Variants in KLF12 observed in about 807,000 individuals in gnomAD.
KLF12 encodes Krueppel-like factor 12.
In KLF12, 9 loss-of-function variants were observed where a neutral mutation model predicts 37.8. That is an observed-to-expected ratio of 0.24 (90% CI 0.14 to 0.42). The LOEUF (loss-of-function observed/expected upper bound fraction) is 0.42. KLF12 is among the 10% of genes least tolerant of loss of function. KLF12 has a pLI of 1.00. For missense variants in KLF12, 411 were observed against 516.0 expected (o/e 0.80, Z 1.97); for synonymous variants, 208 against 202.1 (o/e 1.03, Z -0.25).
chr13:74,258,859 G>C, the KLF12 span: 1 of 152,250 alleles, frequency 6.6e-6, no homozygotes, highest in Non-Finnish European at 1.5e-5. Flanking sequence ...TTTTGGAGTT[G>C]ATCTCAGAAA....
chr13:74,301,920 G>A, the KLF12 span, among the ~76,000 whole-genome samples: 4 of 152,234 alleles, frequency 2.6e-5, no homozygotes, highest in African/African-American at 9.6e-5. Context: ...AACTGCAGAG[G>A]CATAGCTCCA....
intron 3 of KLF12, among the ~76,000 whole-genome samples, chr13:73,860,634 T>C (rs1399230692): frequency 6.6e-6 from 1 of 152,032 alleles, no homozygotes; most frequent in Non-Finnish European, 1.5e-5. Flanking sequence ...GTCTTAGCCA[T>C]GCCAAAGACT....
At chr13:74,204,163 T>G in the KLF12 span, among the ~76,000 whole-genome samples, 1 of 152,162 alleles carries the variant, frequency 6.6e-6, no homozygotes, top group Non-Finnish European at 1.5e-5. Context: ...TTACTATGTG[T>G]CTGACTTTGG....
chr13:74,149,041 CT>C, the KLF12 span, among the ~76,000 whole-genome samples: 1 of 152,196 alleles, frequency 6.6e-6, no homozygotes, highest in African/African-American at 2.4e-5. Context: ...TCTTGAACCC[CT>C]GACCTCAGCT....
chr13:74,162,647 TTATTCTCTTCC>T, the KLF12 span, among the ~76,000 whole-genome samples: 1 of 152,224 alleles, frequency 6.6e-6, no homozygotes. Context: ...TTCTGCCTGT[TTATTCTCTTCC>T]ACCTCCTCAG....
chr13:74,015,214 G>A (rs1237936742), intron 1 of KLF12, among the ~76,000 whole-genome samples: 2 of 152,020 alleles, frequency 1.3e-5, no homozygotes, highest in Non-Finnish European at 1.5e-5. Context: ...CTAATTTATT[G>A]CTATTGTAAT....
At chr13:73,741,886 A>G (rs1409243558) in intron 6 of KLF12, among the ~76,000 whole-genome samples, 1 of 152,262 alleles carries the variant, frequency 6.6e-6, no homozygotes, top group Non-Finnish European at 1.5e-5. Flanking sequence ...TGCAGAGTGT[A>G]GCACTAAGCT....
chr13:74,298,747 A>G, the KLF12 span, among the ~76,000 whole-genome samples: 1 of 152,194 alleles, frequency 6.6e-6, no homozygotes. Context: ...ATACGGAAAC[A>G]TGGGAAAAAT....
chr13:73,758,523 T>C (rs1594056658), intron 6 of KLF12, among the ~76,000 whole-genome samples: 1 of 152,072 alleles, frequency 6.6e-6, no homozygotes, highest in South Asian at 2.1e-4. Context: ...GGGTACAGTG[T>C]TGGGAAGATA....
At chr13:74,043,486 T>G (rs1209487489) in intron 1 of KLF12, among the ~76,000 whole-genome samples, 1 of 152,240 alleles carries the variant, frequency 6.6e-6, no homozygotes, top group Non-Finnish European at 1.5e-5. Context: ...TTTCTGTGTG[T>G]GTGTGTACAC....
intron 1 of KLF12, among the ~76,000 whole-genome samples, chr13:74,095,815 G>A (rs1162462728): frequency 6.6e-6 from 1 of 152,112 alleles, no homozygotes; most frequent in Non-Finnish European, 1.5e-5. Flanking sequence ...TTTGAATACT[G>A]AGGAGCTACC....
Position 73,739,297 on chromosome 13 carries a change from G to A in KLF12, c.870-23772C>T, listed in dbSNP as rs113995081. 3.4e-3 allele frequency among the ~76,000 whole-genome samples: 517 copies of A among 151,568 alleles called. 4 individuals carry two copies. Among genetic ancestry groups the A allele is most frequent in the African/African-American group, 0.011 (467 of 41,252 alleles). ...AATAAATGTACTTGTCTTAAAGGGT[G>A]TGGAAAGGATTAAATGAGTTAACAT... On this transcript the variant is annotated intron_variant, in intron 6 of 7. Coordinates refer to ENST00000377669, the MANE Select transcript of KLF12 (RefSeq NM_007249.5).
chr13:74,115,565 C>T (rs961372243), intron 1 of KLF12, among the ~76,000 whole-genome samples: 1 of 152,088 alleles, frequency 6.6e-6, no homozygotes, highest in African/African-American at 2.4e-5. Flanking sequence ...ATTAGCCAGG[C>T]GTGATGGCAG....
chr13:74,298,986 A>C, the KLF12 span, among the ~76,000 whole-genome samples: 1 of 152,206 alleles, frequency 6.6e-6, no homozygotes, highest in Non-Finnish European at 1.5e-5. Flanking sequence ...GGAATTCTCA[A>C]CAAGGAAAGA....
At chr13:74,238,906 A>G in the KLF12 span, among the ~76,000 whole-genome samples, 4 of 150,488 alleles carry the variant, frequency 2.7e-5, no homozygotes, top group African/African-American at 7.3e-5. Context: ...TGGATTCATT[A>G]ATTTTTTGAA....
At chr13:74,021,058 AGAAAAGGTGGTTTCATGTAAAGACGGT>A (rs1482634493) in intron 1 of KLF12, among the ~76,000 whole-genome samples, 2 of 152,182 alleles carry the variant, frequency 1.3e-5, no homozygotes, top group Non-Finnish European at 2.9e-5. Flanking sequence ...TCTACCTTGG[AGAAAAGGTGGTTTCATGTAAAGACGGT>A]GAAAAGGTGG....
intron 7 of KLF12, among the ~76,000 whole-genome samples, chr13:73,711,752 A>C (rs1875414055): frequency 6.6e-6 from 1 of 152,198 alleles, no homozygotes; most frequent in South Asian, 2.1e-4. Context: ...CCACGGATCA[A>C]GGAGTCATTT....
chr13:73,786,959 A>G (rs1421522697), intron 5 of KLF12, among the ~76,000 whole-genome samples: 1 of 151,972 alleles, frequency 6.6e-6, no homozygotes, highest in African/African-American at 2.4e-5. Flanking sequence ...AAACAAAGCA[A>G]GAACAAGCCC....
chr13:73,784,826 C>T (rs201480416), intron 5 of KLF12, among the ~76,000 whole-genome samples: 104 of 151,912 alleles, frequency 6.8e-4, no homozygotes, highest in East Asian at 2.7e-3. Flanking sequence ...TTTGTAGAGA[C>T]GGGGTTTCAC....
Sources: allele counts gnomAD v4.1 joint callset (sites outside exome capture counted in the v4.1 genomes callset), GRCh38; gene constraint gnomAD v4.1.1; transcripts MANE v1.5; gene names NCBI Gene and HGNC (gene_info 2026-07-23, HGNC 2026-07-21).